Variants in ERC1 observed in about 807,000 individuals in gnomAD.
ERC1 encodes the protein RAB6 interacting protein 2.
Under a neutral mutation model 132.0 loss-of-function variants are expected in ERC1, and 56 were observed. The observed-to-expected ratio is 0.42, with a 90% confidence interval of 0.34 to 0.53. The LOEUF (loss-of-function observed/expected upper bound fraction) is 0.53. ERC1 is among the 20% of genes least tolerant of loss of function. ERC1 has a pLI of 0.03. For missense variants in ERC1, 1,202 were observed against 1,349.9 expected (o/e 0.89, Z 1.72); for synonymous variants, 478 against 476.1 (o/e 1.00, Z -0.05).
chr12:1,440,598 TTTTG>T (rs1403981398), intron 17 of ERC1, among the ~76,000 whole-genome samples: 7 of 106,572 alleles, frequency 6.6e-5, no homozygotes, highest in African/African-American at 1.1e-4. Flanking sequence ...TGCCTCAGCC[TTTTG>T]TGTGTGTGTG....
intron 18 of ERC1, among the ~76,000 whole-genome samples, chr12:1,460,110 T>C (rs2093616313): frequency 6.6e-6 from 1 of 152,254 alleles, no homozygotes; most frequent in Non-Finnish European, 1.5e-5. Context: ...TAATATTTTA[T>C]AATCATTTAT....
chr12:1,223,666 C>T (rs574620458), intron 12 of ERC1, among the ~76,000 whole-genome samples: 2 of 152,338 alleles, frequency 1.3e-5, no homozygotes, highest in Non-Finnish European at 2.9e-5. Context: ...TTGCTTACAT[C>T]TGTGTGCTGG....
intron 4 of ERC1, among the ~76,000 whole-genome samples, chr12:1,107,120 C>T (rs1945349811): frequency 1.3e-5 from 2 of 152,188 alleles, no homozygotes; most frequent in Non-Finnish European, 2.9e-5. Context: ...CTCTTCTTAT[C>T]CCTTCTCCCA....
chr12:1,257,177 A>C (rs901079351), intron 13 of ERC1: 1 of 140,598 alleles, frequency 7.1e-6, no homozygotes, highest in East Asian at 2.2e-4. Flanking sequence ...ATGACACTCA[A>C]GCAGCCCGGT....
At chr12:1,262,693 C>T (rs774412441) in intron 13 of ERC1, among the ~76,000 whole-genome samples, 1 of 152,146 alleles carries the variant, frequency 6.6e-6, no homozygotes, top group Non-Finnish European at 1.5e-5. Context: ...TGGCTTTATG[C>T]TTAGAGAGTA....
At chr12:1,250,439 T>C (rs2076401418) in intron 13 of ERC1, among the ~76,000 whole-genome samples, 1 of 152,238 alleles carries the variant, frequency 6.6e-6, no homozygotes, top group Admixed American at 6.5e-5. Flanking sequence ...CCTTCTCAGC[T>C]AGTTTATATC....
chr12:1,350,473 C>G (rs183823546), intron 15 of ERC1, among the ~76,000 whole-genome samples: 64 of 152,234 alleles, frequency 4.2e-4, no homozygotes, highest in Admixed American at 5.9e-4. Flanking sequence ...CTGTACTGAC[C>G]CAAGCCTCAT....
chr12:1,308,187 T>C (rs2081022237), intron 15 of ERC1, among the ~76,000 whole-genome samples: 1 of 151,244 alleles, frequency 6.6e-6, no homozygotes, highest in Admixed American at 6.6e-5. Context: ...TGAGGTTCTG[T>C]TTCTTCTTTA....
rs371029260 is a variant in ERC1, at chr12:1,339,014, G to A, written c.2781-32819G>A. ...TCATAGTGTGGCGGCAGCAGGATCC[G>A]TCCTCATTTGCACATGCCAGCAACA... On this transcript the variant is annotated intron_variant, in intron 15 of 18. Transcript: ENST00000360905. 7.2e-5 allele frequency among the ~76,000 whole-genome samples: 11 copies of A among 152,236 alleles called. No homozygotes were observed. The South Asian group carries it at 1.2e-3, about 17-fold the overall frequency.
chr12:1,051,431 TG>T (rs1565864953), intron 2 of ERC1, among the ~76,000 whole-genome samples: 1 of 151,202 alleles, frequency 6.6e-6, no homozygotes, highest in Admixed American at 6.6e-5. Flanking sequence ...GGCTCATGCC[TG>T]TAATCCCAGT....
At chr12:1,091,805 A>G (rs1436995938) in intron 3 of ERC1, among the ~76,000 whole-genome samples, 1 of 152,176 alleles carries the variant, frequency 6.6e-6, no homozygotes, top group Non-Finnish European at 1.5e-5. Flanking sequence ...AAGGGAGTAT[A>G]GTAAGGAATT....
chr12:1,030,029 C>T (rs7954121), intron 2 of ERC1, among the ~76,000 whole-genome samples: 79,767 of 151,900 alleles, frequency 0.53, 22,275 homozygotes, highest in African/African-American at 0.72. Context: ...ATTATAGGCG[C>T]GAGCCACCGC....
Position 1,267,576 on chromosome 12 carries a change from A to G in ERC1, c.2619+4411A>G, listed in dbSNP as rs377286439. ...GAGTTAGAGACCAACCTGTACGACA[A>G]TGCGAGGCCTCGTCTCTACAAGAAA... On this transcript the variant is annotated intron_variant, in intron 14 of 18. Coordinates refer to ENST00000360905, the MANE Select transcript of ERC1 (RefSeq NM_178040.4). Among the ~76,000 whole-genome samples, 21 of 152,266 alleles carry G rather than the reference A, an allele frequency of 1.4e-4. No individual in the cohort carries two copies. In the East Asian group the frequency reaches 3.9e-3, roughly 28 times the overall value.
chr12:1,143,850 T>C (rs1359312563), intron 8 of ERC1, among the ~76,000 whole-genome samples: 2 of 152,192 alleles, frequency 1.3e-5, no homozygotes, highest in East Asian at 3.8e-4. Flanking sequence ...TAAAGTGTTA[T>C]ATTTTTCATT....
At chr12:1,377,733 T>C (rs1408440408) in intron 16 of ERC1, among the ~76,000 whole-genome samples, 1 of 152,200 alleles carries the variant, frequency 6.6e-6, no homozygotes, top group Non-Finnish European at 1.5e-5. Context: ...TACTGTCTAT[T>C]ATAGAAGCAT....
intron 18 of ERC1, among the ~76,000 whole-genome samples, chr12:1,455,216 A>G: frequency 6.6e-6 from 1 of 152,226 alleles, no homozygotes. Context: ...TCCTTTCTTA[A>G]TGCTAGGAAC....
chr12:1,341,069 CTTTTTTTTTTTTTTTTTTTTTTTTTT>C lies in ERC1; in HGVS notation c.2781-30747_2781-30722del, dbSNP rs35902573. On this transcript the variant is annotated intron_variant, in intron 15 of 18. Transcript: ENST00000360905. ...AATGTCCACTTATTCTTTTCTTTTT[CTTTTTTTTTTTTTTTTTTTTTTTTTT>C]TTTTTTTTTTTTTTTTGAGGCAGAG... Among the ~76,000 whole-genome samples the C allele has an allele frequency of 1.1e-4, 7 of 63,158 alleles. 1 individual carries two copies. The highest frequency in any genetic ancestry group is 1.3e-4 in the African/African-American group (2 of 15,892). The allele number at this position is 63,158 out of a possible 152,430, so 41.4% of individuals were successfully genotyped here.
chr12:1,309,692 A>G (rs1286233821), intron 15 of ERC1, among the ~76,000 whole-genome samples: 1 of 147,654 alleles, frequency 6.8e-6, no homozygotes, highest in Non-Finnish European at 1.5e-5. Flanking sequence ...ACAAAACAGT[A>G]TTCTCATTAT....
intron 17 of ERC1, among the ~76,000 whole-genome samples, chr12:1,433,844 A>G (rs992870435): frequency 2.6e-4 from 40 of 152,132 alleles, no homozygotes; most frequent in African/African-American, 9.7e-4. Flanking sequence ...TTAAAGCATG[A>G]AGAGAGCTAT....
Sources: allele counts gnomAD v4.1 joint callset (sites outside exome capture counted in the v4.1 genomes callset), GRCh38; gene constraint gnomAD v4.1.1; transcripts MANE v1.5; gene names NCBI Gene and HGNC (gene_info 2026-07-23, HGNC 2026-07-21).